Variants in NYNRIN observed in about 807,000 individuals in gnomAD.
NYNRIN encodes the protein NYN domain and retroviral integrase containing.
Under a neutral mutation model 146.6 loss-of-function variants are expected in NYNRIN, and 86 were observed. The ratio of observed to expected loss-of-function variants is 0.59; its 90% confidence interval spans 0.49 to 0.70. The LOEUF (loss-of-function observed/expected upper bound fraction) is 0.70. NYNRIN is among the 30% of genes least tolerant of loss of function. The pLI is 0.00. For synonymous variants in NYNRIN, 1,027 were observed against 1,001.3 expected (o/e 1.03, Z -0.48); for missense variants, 2,191 against 2,377.7 (o/e 0.92, Z 1.63).
chr14:24,406,314 C>T (rs1413932973), intron 2 of NYNRIN, among the ~76,000 whole-genome samples: 1 of 152,068 alleles, frequency 6.6e-6, no homozygotes, highest in Non-Finnish European at 1.5e-5. Context: ...AGAAGCCACC[C>T]ATAATCTTCT....
At position 24,399,213 on chromosome 14, in the gene NYNRIN, C is replaced by A. The variant is rs755454445; in HGVS notation, c.-17-17C>A. On this transcript the variant is annotated splice_polypyrimidine_tract_variant and intron_variant, in intron 1 of 8. Coordinates refer to ENST00000382554, the MANE Select transcript of NYNRIN (RefSeq NM_025081.3). ...CGCCCCGAGACCCGGGTGACACTAT[C>A]GTCTCCTTCGTTCCAGGAGCGGGCG... 3 of 1,605,772 alleles carry A rather than the reference C, an allele frequency of 1.9e-6. No homozygotes were observed. The highest frequency in any genetic ancestry group is 1.3e-5 in the African/African-American group (1 of 74,874).
In NYNRIN at chr14:24,409,559, C is replaced by A. The variant is rs1382697072; in HGVS notation, c.1765C>A (p.Pro589Thr). 6.2e-7 allele frequency: 1 copy of A among 1,611,622 alleles called. No individual in the cohort carries two copies. The highest frequency in any genetic ancestry group is 8.5e-7 in the Non-Finnish European group (1 of 1,178,802). ...CACAGAGCCTGCAGCTCCCGAAGTG[C>A]CTTTGGCTCCAACAAAGCCAACAGC... ...VHTEPAAPEV[P>T]LAPTKPTAQL... is the part of the protein sequence containing the mutation. Residue 589 changes from proline to threonine, a missense_variant, in exon 4 of 9, where the codon CCT becomes ACT. Pro to Thr is a conservative substitution (Grantham distance 38). Transcript: ENST00000382554.
In NYNRIN at chr14:24,414,934, C is replaced by T. The variant is rs1484378633; in HGVS notation, c.3185C>T (p.Ser1062Phe). The change falls in exon 9 of 9, where the codon TCT becomes TTT. Residue 1062 changes from serine to phenylalanine, a missense_variant. This residue lies in a region of NYNRIN where 1,291 missense variants were observed against 1,417.0 expected (regional missense o/e 0.91). Coordinates refer to ENST00000382554, the MANE Select transcript of NYNRIN (RefSeq NM_025081.3). ...ATCGACCTCCTGCCAGGGGCAGCTT[C>T]TCCCTACCTGGGCATCCCCTGGGAT... is the stretch of plus-strand genomic sequence containing the variant. ...LDIDLLPGAA[S>F]PYLGIPWDGK... 4 of 1,600,038 alleles carry T rather than the reference C, an allele frequency of 2.5e-6. No homozygotes were observed. The highest frequency in any genetic ancestry group is 3.4e-6 in the Non-Finnish European group (4 of 1,169,654).
At chr14:24,413,147 G>C (rs1030051891) in intron 7 of NYNRIN, 49 bp downstream of exon 7, 1 of 1,438,204 alleles carries the variant, frequency 7.0e-7, no homozygotes. Flanking sequence ...TTGGATGTCA[G>C]GCAGCCCCTG....
intron 8 of NYNRIN, among the ~76,000 whole-genome samples, chr14:24,413,983 A>T (rs565203548): frequency 6.6e-6 from 1 of 152,356 alleles, no homozygotes; most frequent in South Asian, 2.1e-4. Flanking sequence ...TAGATGAGGA[A>T]TCTGTGACTC....
rs1339444531 is a variant in NYNRIN, at chr14:24,417,546, G to A, written c.*100G>A. ...GCTCTCAGTCCACTGGGGGCCCTCAGTTGTGCCTTTTGTAGAGAACTTGCT... is the reference window on the plus strand; with the variant it reads ...GCTCTCAGTCCACTGGGGGCCCTCAATTGTGCCTTTTGTAGAGAACTTGCT... On this transcript the variant is annotated 3_prime_UTR_variant, in exon 9 of 9. Transcript: ENST00000382554. 3 of 1,384,366 alleles carry A rather than the reference G, an allele frequency of 2.2e-6. No homozygotes were observed. Among genetic ancestry groups the A allele is most frequent in the African/African-American group, 1.4e-5 (1 of 69,106 alleles). The allele number at this position is 1,384,366 out of a possible 1,614,324, so 85.8% of individuals were successfully genotyped here.
Position 24,399,341 on chromosome 14 carries a change from A to C in NYNRIN, c.95A>C (p.Gln32Pro). ...PRVQRQRLQV[Q>P]RIFRVKLNAF... ...GTGCAGCGGCAGCGGCTGCAAGTGC[A>C]GCGCATCTTTAGGGTCAAGCTGAAC... Residue 32 changes from glutamine (Q) to proline (P), a missense_variant, in exon 2 of 9, where the codon CAG becomes CCG. Gln to Pro is a moderately conservative substitution (Grantham distance 76). Transcript: ENST00000382554. The C allele has an allele frequency of 6.2e-7, 1 of 1,613,858 alleles. No individual in the cohort carries two copies.
At chr14:24,401,803 C>T (rs752039436) in intron 2 of NYNRIN, among the ~76,000 whole-genome samples, 1 of 152,224 alleles carries the variant, frequency 6.6e-6, no homozygotes, top group Non-Finnish European at 1.5e-5. Flanking sequence ...GAGTCTCGAT[C>T]TCCCTGTTTG....
Position 24,409,984 on chromosome 14 carries a change from C to A in NYNRIN, c.2190C>A (p.Thr730=). Reference sequence around the variant, plus strand: ...GGCAGGGTCCCCAGTCCAGTGGCACCTTGGCCCTCAGCAGTAAGCACCAGT... The same window carrying A: ...GGCAGGGTCCCCAGTCCAGTGGCACATTGGCCCTCAGCAGTAAGCACCAGT... ...AGRQGPQSSG[T]LALSSKHQFQ... is the part of the protein sequence containing the mutation. Residue 730 remains threonine, a synonymous_variant, in exon 4 of 9, where the codon ACC becomes ACA. Transcript: ENST00000382554. 6.2e-7 allele frequency: 1 copy of A among 1,613,792 alleles called. No homozygotes were observed. The highest frequency in any genetic ancestry group is 8.5e-7 in the Non-Finnish European group (1 of 1,179,786).
chr14:24,410,750 G>A (rs1178827780), intron 4 of NYNRIN, among the ~76,000 whole-genome samples: 1 of 152,238 alleles, frequency 6.6e-6, no homozygotes, highest in Non-Finnish European at 1.5e-5. Context: ...CACACTGTCG[G>A]TGGCCAGGGA....
chr14:24,407,899 C>A lies in NYNRIN; in HGVS notation c.229C>A (p.Leu77Met). Residue 77 changes from leucine to methionine, a missense_variant, in exon 3 of 9, where the codon CTG becomes ATG. Physicochemically the swap from Leu to Met is conservative, Grantham distance 15. Coordinates refer to ENST00000382554, the MANE Select transcript of NYNRIN (RefSeq NM_025081.3). ...EYLKGLCSPE[L>M]WKEVRYPPIL... The stretch of plus-strand genomic sequence containing the variant: ...CCTGAAGGGCCTGTGCAGCCCAGAG[C>A]TGTGGAAAGAGGTTCGCTACCCACC... The A allele has an allele frequency of 1.2e-6, 2 of 1,613,310 alleles. No homozygotes were observed. Among genetic ancestry groups the A allele is most frequent in the Non-Finnish European group, 8.5e-7 (1 of 1,179,478 alleles).
chr14:24,416,886 C>G lies in NYNRIN; in HGVS notation c.5137C>G (p.Leu1713Val). ...SLSRDLQFPCLTSSGAYWEFK... is the reference protein window; with the variant it reads ...SLSRDLQFPCVTSSGAYWEFK... The stretch of plus-strand genomic sequence containing the variant: ...GAGTCGGGACCTCCAGTTCCCCTGC[C>G]TGACGAGCTCAGGGGCCTACTGGGA... The change falls in exon 9 of 9, where the codon CTG (leucine) becomes GTG (valine). Residue 1713 changes from leucine (L) to valine (V), a missense_variant. By Grantham distance (32) the Leu-to-Val change is conservative. This residue lies in a region of NYNRIN where 1,291 missense variants were observed against 1,417.0 expected (regional missense o/e 0.91). Transcript: ENST00000382554. The G allele has an allele frequency of 6.2e-7, 1 of 1,607,024 alleles. No individual in the cohort carries two copies. Among genetic ancestry groups the G allele is most frequent in the Non-Finnish European group, 8.5e-7 (1 of 1,175,894 alleles).
At position 24,399,273 on chromosome 14, in the gene NYNRIN, G is replaced by C. The variant is rs774433921; in HGVS notation, c.27G>C (p.Pro9=). The C allele has an allele frequency of 4.5e-5, 73 of 1,613,768 alleles. 1 individual carries two copies. The South Asian group carries it at 7.9e-4, about 17-fold the overall frequency. Residue 9 remains proline (P), a synonymous_variant, in exon 2 of 9, where the codon CCG becomes CCC. Transcript: ENST00000382554. ...TGCTCCTGTCTGGGGGCGATCCTCC[G>C]GCGCAGGAATGGTTCATGGTGCAGA... MLLSGGDP[P]AQEWFMVQTK...
chr14:24,416,068 C>A lies in NYNRIN; in HGVS notation c.4319C>A (p.Thr1440Lys). 2 of 1,613,996 alleles carry A rather than the reference C, an allele frequency of 1.2e-6. No individual in the cohort carries two copies. Among genetic ancestry groups the A allele is most frequent in the Non-Finnish European group, 1.7e-6 (2 of 1,179,868 alleles). ...TSYRGSLFAV[T>K]VDTLAKQGAQ... The stretch of plus-strand genomic sequence containing the variant: ...TACCGGGGCTCTCTGTTTGCTGTGA[C>A]AGTGGACACCCTGGCCAAGCAGGGT... Residue 1440 changes from threonine (T) to lysine (K), a missense_variant, in exon 9 of 9, where the codon ACA becomes AAA. By Grantham distance (78) the Thr-to-Lys change is moderately conservative. Coordinates refer to ENST00000382554, the MANE Select transcript of NYNRIN (RefSeq NM_025081.3).
chr14:24,407,801 G>A (rs1214235161), intron 2 of NYNRIN, 68 bp from the exon 3 acceptor site: 4 of 1,451,930 alleles, frequency 2.8e-6, no homozygotes, highest in African/African-American at 2.8e-5. Context: ...CCTTTTGGGT[G>A]GCGAGGGCAG....
In NYNRIN at chr14:24,416,413, C is replaced by T. The variant is rs760763027; in HGVS notation, c.4664C>T (p.Ala1555Val). The T allele has an allele frequency of 2.5e-6, 4 of 1,612,704 alleles. No homozygotes were observed. In the Admixed American group the frequency reaches 6.7e-5, roughly 27 times the overall value. The change falls in exon 9 of 9, where the codon GCC becomes GTC. Residue 1555 changes from alanine (A) to valine (V), a missense_variant. Ala to Val is a moderately conservative substitution (Grantham distance 64). Coordinates refer to ENST00000382554, the MANE Select transcript of NYNRIN (RefSeq NM_025081.3). ...TCTGTGCATGACATTCCCTTGGGGG[C>T]CCACCAGAGGCCCGAAGAGACCTAC... ...IFSVHDIPLGAHQRPEETYKK... is the reference protein window; with the variant it reads ...IFSVHDIPLGVHQRPEETYKK...
At chr14:24,403,091 T>A (rs572453490) in intron 2 of NYNRIN, among the ~76,000 whole-genome samples, 1 of 152,262 alleles carries the variant, frequency 6.6e-6, no homozygotes, top group Non-Finnish European at 1.5e-5. Context: ...TCAAGATAGT[T>A]CTGTTTCAAT....
rs368211399 is a variant in NYNRIN, at chr14:24,409,833, C to T, written c.2039C>T (p.Thr680Ile). ...VTPRVSRAPK[T>I]PAAQKVPTDA... is the part of the protein sequence containing the mutation. Reference sequence around the variant, plus strand: ...CCCAGAGTCTCCAGAGCTCCCAAAACACCTGCAGCTCAGAAGGTGCCCACG... The same window carrying T: ...CCCAGAGTCTCCAGAGCTCCCAAAATACCTGCAGCTCAGAAGGTGCCCACG... The change falls in exon 4 of 9, where the codon ACA becomes ATA. Residue 680 changes from threonine (T) to isoleucine (I), a missense_variant. By Grantham distance (89) the Thr-to-Ile change is moderately conservative. Coordinates refer to ENST00000382554, the MANE Select transcript of NYNRIN (RefSeq NM_025081.3). 9 of 1,613,430 alleles carry T rather than the reference C, an allele frequency of 5.6e-6. No individual in the cohort carries two copies. The highest frequency in any genetic ancestry group is 2.7e-5 in the African/African-American group (2 of 74,942).
chr14:24,406,551 C>T (rs1446945143), intron 2 of NYNRIN, among the ~76,000 whole-genome samples: 2 of 152,196 alleles, frequency 1.3e-5, no homozygotes, highest in Non-Finnish European at 2.9e-5. Context: ...ACATGTATTT[C>T]AGGCTCTGAG....
Sources: allele counts gnomAD v4.1 joint callset (sites outside exome capture counted in the v4.1 genomes callset), GRCh38; gene constraint gnomAD v4.1.1; regional missense constraint gnomAD v4.1.1; transcripts MANE v1.5; gene names NCBI Gene and HGNC (gene_info 2026-07-23, HGNC 2026-07-21).